Variants in COL25A1 observed in about 807,000 individuals in gnomAD.
COL25A1 encodes the protein collagen type XXV alpha 1 chain, also known as collagen alpha-1(XXV) chain.
A neutral mutation model predicts 128.4 loss-of-function variants in COL25A1; 103 were observed. That is an observed-to-expected ratio of 0.80 (90% CI 0.68 to 0.94). COL25A1 has a LOEUF of 0.94. Ranked by LOEUF, COL25A1 falls within the 40% of genes least tolerant of loss-of-function variation. COL25A1 has a pLI of 0.00. For synonymous variants in COL25A1, 279 were observed against 277.2 expected (o/e 1.01, Z -0.06); for missense variants, 745 against 840.0 (o/e 0.89, Z 1.40).
intron 19 of COL25A1, among the ~76,000 whole-genome samples, chr4:108,869,502 C>T (rs1263161975): frequency 6.6e-6 from 1 of 152,128 alleles, no homozygotes; most frequent in African/African-American, 2.4e-5. Flanking sequence ...TGACCAAAAT[C>T]AGGTCACTCT....
chr4:109,039,990 T>C (rs1486196501), intron 5 of COL25A1, among the ~76,000 whole-genome samples: 1 of 152,188 alleles, frequency 6.6e-6, no homozygotes, highest in African/African-American at 2.4e-5. Context: ...TATTAGCAAG[T>C]AACAAAAGAT....
intron 6 of COL25A1, among the ~76,000 whole-genome samples, chr4:108,994,103 T>C (rs993205040): frequency 9.9e-5 from 15 of 152,114 alleles, no homozygotes; most frequent in African/African-American, 3.4e-4. Flanking sequence ...CTGGGACTGG[T>C]TGGGCAGTGG....
intron 3 of COL25A1, among the ~76,000 whole-genome samples, chr4:109,066,785 C>G (rs537073373): frequency 6.6e-6 from 1 of 152,228 alleles, no homozygotes; most frequent in South Asian, 2.1e-4. Flanking sequence ...GCCTCACTCT[C>G]CCATGTAGCT....
At chr4:109,092,387 A>G (rs1764992714) in intron 3 of COL25A1, among the ~76,000 whole-genome samples, 1 of 152,168 alleles carries the variant, frequency 6.6e-6, no homozygotes, top group African/African-American at 2.4e-5. Flanking sequence ...TGGGAGGCTG[A>G]GGTGAGAGGA....
At chr4:109,140,927 C>T (rs1224600934) in intron 3 of COL25A1, among the ~76,000 whole-genome samples, 3 of 152,166 alleles carry the variant, frequency 2.0e-5, no homozygotes, top group Non-Finnish European at 4.4e-5. Flanking sequence ...CCCTTTATTT[C>T]TTTCTCTTGC....
At chr4:109,180,972 C>G (rs1431231798) in intron 3 of COL25A1, among the ~76,000 whole-genome samples, 1 of 152,054 alleles carries the variant, frequency 6.6e-6, no homozygotes, top group Non-Finnish European at 1.5e-5. Flanking sequence ...GTCATAATTC[C>G]TGACACCAAT....
In COL25A1 at chr4:108,834,454, T is replaced by A. The variant is rs977168757; in HGVS notation, c.1657-2021A>T. On this transcript the variant is annotated intron_variant, in intron 31 of 37. Transcript: ENST00000399132. ...CACGAATGACAAGAACAGAGATTAG[T>A]ATGAGGTACCGATGAACAAATGTAA... 1.1e-5 allele frequency: 15 copies of A among 1,411,012 alleles called. No homozygotes were observed. The East Asian group carries it at 3.7e-4, about 35-fold the overall frequency. The allele number at this position is 1,411,012 out of a possible 1,614,324, so 87.4% of individuals were successfully genotyped here.
At chr4:108,943,168 G>A (rs890748653) in intron 8 of COL25A1, among the ~76,000 whole-genome samples, 1 of 152,166 alleles carries the variant, frequency 6.6e-6, no homozygotes, top group Non-Finnish European at 1.5e-5. Context: ...TTTGCTACAC[G>A]AAGCATTTCT....
At chr4:108,975,411 G>A (rs898702822) in intron 6 of COL25A1, among the ~76,000 whole-genome samples, 4 of 152,220 alleles carry the variant, frequency 2.6e-5, no homozygotes, top group Non-Finnish European at 5.9e-5. Flanking sequence ...AGCTGAGATT[G>A]TGCCACTGCA....
intron 3 of COL25A1, among the ~76,000 whole-genome samples, chr4:109,184,057 T>C (rs1181559271): frequency 6.6e-6 from 1 of 152,160 alleles, no homozygotes; most frequent in African/African-American, 2.4e-5. Flanking sequence ...ATGTTGTTAT[T>C]GTCTTCCATT....
At chr4:108,984,159 G>A (rs189198247) in intron 6 of COL25A1, among the ~76,000 whole-genome samples, 4 of 152,346 alleles carry the variant, frequency 2.6e-5, no homozygotes, top group Admixed American at 6.5e-5. Flanking sequence ...GCTAGATACA[G>A]AGTGTTGATT....
At chr4:109,134,979 A>G (rs1030119889) in intron 3 of COL25A1, among the ~76,000 whole-genome samples, 4 of 151,354 alleles carry the variant, frequency 2.6e-5, no homozygotes, top group African/African-American at 9.7e-5. Context: ...AGAGGAACTC[A>G]AGAAGATAAC....
chr4:108,934,253 A>G (rs1372943676), intron 11 of COL25A1, among the ~76,000 whole-genome samples: 4 of 136,548 alleles, frequency 2.9e-5, no homozygotes, highest in Non-Finnish European at 4.6e-5. Context: ...CAGACACTGC[A>G]TGTTCTCACT....
Position 109,270,022 on chromosome 4 carries a change from T to C in COL25A1, c.367+30561A>G, listed in dbSNP as rs1367103353. Among the ~76,000 whole-genome samples the C allele has an allele frequency of 1.8e-3, 279 of 152,106 alleles. 1 individual carries two copies. Among genetic ancestry groups the C allele is most frequent in the African/African-American group, 6.1e-3 (253 of 41,476 alleles). On this transcript the variant is annotated intron_variant, in intron 3 of 37. Coordinates refer to ENST00000399132, the MANE Select transcript of COL25A1 (RefSeq NM_198721.4). Reference sequence around the variant, plus strand: ...AGGCCTTTGACAAAATTCAACAACCTTTCATGCTAAAAACTCTCAATAAAT... The same window carrying C: ...AGGCCTTTGACAAAATTCAACAACCCTTCATGCTAAAAACTCTCAATAAAT...
At chr4:109,062,873 C>T (rs546521360) in intron 3 of COL25A1, among the ~76,000 whole-genome samples, 1 of 152,228 alleles carries the variant, frequency 6.6e-6, no homozygotes, top group Admixed American at 6.5e-5. Flanking sequence ...ATCCCCAAGA[C>T]ACCTGATTGA....
chr4:109,237,707 G>T (rs1218097450), intron 3 of COL25A1, among the ~76,000 whole-genome samples: 3 of 147,282 alleles, frequency 2.0e-5, no homozygotes, highest in African/African-American at 7.5e-5. Context: ...ATTTTTAATT[G>T]TACAGTTCAG....
At chr4:109,033,258 T>C (rs947714003) in intron 5 of COL25A1, among the ~76,000 whole-genome samples, 12 of 152,212 alleles carry the variant, frequency 7.9e-5, no homozygotes, top group African/African-American at 2.2e-4. Flanking sequence ...ATGAGAGTTA[T>C]GTAGCACTAT....
intron 11 of COL25A1, among the ~76,000 whole-genome samples, chr4:108,922,732 C>A (rs1168191665): frequency 6.6e-6 from 1 of 152,084 alleles, no homozygotes; most frequent in Non-Finnish European, 1.5e-5. Flanking sequence ...GCTACAAAGA[C>A]AATATTTTCC....
At chr4:109,059,828 C>T (rs75563130) in intron 3 of COL25A1, among the ~76,000 whole-genome samples, 35 of 151,990 alleles carry the variant, frequency 2.3e-4, no homozygotes, top group Admixed American at 3.9e-4. Flanking sequence ...TTATTGTATT[C>T]GCAGTACTTG....
Sources: gnomAD v4.1 joint callset for allele counts (sites outside exome capture counted in the v4.1 genomes callset) on GRCh38, gnomAD v4.1.1 for gene constraint, MANE v1.5 for transcripts, NCBI Gene and HGNC (gene_info 2026-07-23, HGNC 2026-07-21) for gene names.